The following PADI3 variants were observed in gnomAD, a reference collection of about 807,000 sequenced individuals.
The protein encoded by PADI3 is peptidyl arginine deiminase 3, also known as protein-arginine deiminase type-3.
Under a neutral mutation model 71.5 loss-of-function variants are expected in PADI3, and 53 were observed. That is an observed-to-expected ratio of 0.74 (90% confidence interval 0.59 to 0.93). The LOEUF (loss-of-function observed/expected upper bound fraction) is 0.93, where lower values mean the gene tolerates loss of function less well. Ranked by LOEUF, PADI3 falls within the 40% of genes least tolerant of loss-of-function variation. The pLI, the probability that PADI3 is intolerant of heterozygous loss-of-function variation, is 0.00. For missense variants in PADI3, 821 were observed against 868.0 expected (o/e 0.95, Z 0.68); for synonymous variants, 361 against 347.5 (o/e 1.04, Z -0.43).
intron 10 of PADI3, 61 bp from the exon 11 acceptor site, chr1:17,274,574 A>C: frequency 1.1e-5 from 17 of 1,498,700 alleles, no homozygotes; most frequent in Non-Finnish European, 1.5e-5. Context: ...AAAGCCCAGC[A>C]AGTTGGTTCA....
chr1:17,260,186 AG>A (rs890845009), intron 2 of PADI3, among the ~76,000 whole-genome samples: 2 of 152,150 alleles, frequency 1.3e-5, no homozygotes, highest in African/African-American at 4.8e-5. Context: ...GAGAGAAAGC[AG>A]GGACAGGGGA....
chr1:17,266,864 GGTGT>G, intron 5 of PADI3, 28 bp downstream of exon 5: 2 of 1,533,738 alleles, frequency 1.3e-6, no homozygotes, highest in Non-Finnish European at 1.8e-6. Context: ...TGAGTCCCTG[GGTGT>G]CCAGGGTCAC....
chr1:17,274,732 C>G lies in PADI3; in HGVS notation c.1253C>G (p.Ala418Gly). The change falls in exon 11 of 16, where the codon GCC becomes GGC. Residue 418 changes from alanine (A) to glycine (G), a missense_variant. Transcript: ENST00000375460. The part of the protein sequence containing the change: ...GNLEVSPPVV[A>G]NGKEYPLGRI... Reference sequence around the variant, plus strand: ...CTGGAGGTCAGCCCTCCAGTGGTGGCCAATGGGAAAGAGTACCCCCTGGGG... The same window carrying G: ...CTGGAGGTCAGCCCTCCAGTGGTGGGCAATGGGAAAGAGTACCCCCTGGGG... 1 of 1,613,742 alleles carries G rather than the reference C, an allele frequency of 6.2e-7. No homozygotes were observed. The highest frequency in any genetic ancestry group is 8.5e-7 in the Non-Finnish European group (1 of 1,179,870).
chr1:17,283,087 C>G lies in PADI3; in HGVS notation c.*8C>G. The stretch of plus-strand genomic sequence containing the variant: ...TGGAACATGGTGCCCTGAGACAGCT[C>G]CCACCCACCATCCTGTCCCCCTGGG... On this transcript the variant is annotated 3_prime_UTR_variant, in exon 16 of 16. Transcript: ENST00000375460. 1 of 1,607,260 alleles carries G rather than the reference C, an allele frequency of 6.2e-7. No individual in the cohort carries two copies.
At position 17,265,573 on chromosome 1, in the gene PADI3, C is replaced by T. The variant is rs2073156929; in HGVS notation, c.347-86C>T. 6 of 1,204,608 alleles carry T rather than the reference C, an allele frequency of 5.0e-6. No homozygotes were observed. The Middle Eastern group carries it at 5.9e-4, about 118-fold the overall frequency. 74.6% of individuals were successfully genotyped at this position (1,204,608 alleles called of 1,614,324 possible). On this transcript the variant is annotated intron_variant, in intron 3 of 15. Transcript: ENST00000375460. ...TCTCCTTAGAAATGACTTGCCTTTG[C>T]TCAGCCCCAGACAAGCCCTGAGATC...
Position 17,283,487 on chromosome 1 carries a change from A to G in PADI3, c.*408A>G, listed in dbSNP as rs2100610293. 5.7e-6 allele frequency: 1 copy of G among 176,686 alleles called. No homozygotes were observed. The highest frequency in any genetic ancestry group is 1.2e-4 in the South Asian group (1 of 8,246). 10.9% of individuals were successfully genotyped at this position (176,686 alleles called of 1,614,324 possible). A position where few individuals can be genotyped will look rare whatever the true frequency, so the allele number is the denominator to read the frequency against. The stretch of plus-strand genomic sequence containing the variant: ...AGGATCCATGATTCTGCTTTGGTCC[A>G]ATTGCTTCCTCTCTGCAGAGGAACA... On this transcript the variant is annotated 3_prime_UTR_variant, in exon 16 of 16. Transcript: ENST00000375460.
At chr1:17,265,021 A>AAT (rs1016714976) in intron 3 of PADI3, among the ~76,000 whole-genome samples, 8 of 151,820 alleles carry the variant, frequency 5.3e-5, no homozygotes, top group African/African-American at 1.9e-4. Context: ...AAAAAAAAAA[A>AAT]AAATCCTATC....
intron 13 of PADI3, among the ~76,000 whole-genome samples, chr1:17,279,175 A>G (rs914820078): frequency 1.4e-4 from 22 of 152,216 alleles, no homozygotes; most frequent in African/African-American, 4.6e-4. Context: ...GGCAGGCCAC[A>G]AGCAGCCACC....
intron 3 of PADI3, among the ~76,000 whole-genome samples, chr1:17,264,987 C>A (rs184311845): frequency 1.4e-5 from 2 of 146,800 alleles, no homozygotes; most frequent in African/African-American, 5.1e-5. Context: ...CCAGCCTGGG[C>A]GACAGAGACC....
intron 4 of PADI3, 60 bp from the exon 5 acceptor site, chr1:17,266,659 G>T (rs2073172256): frequency 1.4e-6 from 2 of 1,436,510 alleles, no homozygotes; most frequent in Non-Finnish European, 2.0e-6. Context: ...CGGGTTCCTG[G>T]GTAGGGAGGC....
In PADI3 at chr1:17,280,385, G is replaced by A. The variant is rs374756867; in HGVS notation, c.1591G>A (p.Val531Met). 4.8e-5 allele frequency: 78 copies of A among 1,613,984 alleles called. No individual in the cohort carries two copies. The highest frequency in any genetic ancestry group is 6.2e-5 in the Non-Finnish European group (73 of 1,179,968). Residue 531 changes from valine (V) to methionine (M), a missense_variant, in exon 14 of 16, where the codon GTG (valine) becomes ATG (methionine). Transcript: ENST00000375460. ...GGTCAAGACCATCTCCATCAACCAG[G>A]TGCTCTCCAATAAAGACCTCATCAA... ...EQVKTISINQ[V>M]LSNKDLINYN...
In PADI3 at chr1:17,276,862, T is replaced by C; in HGVS notation, c.1541T>C (p.Phe514Ser). The C allele has an allele frequency of 1.2e-6, 2 of 1,612,008 alleles. No individual in the cohort carries two copies. The highest frequency in any genetic ancestry group is 1.7e-6 in the Non-Finnish European group (2 of 1,179,200). Residue 514 changes from phenylalanine (F) to serine (S), a missense_variant, in exon 13 of 16, where the codon TTC becomes TCC. Phe to Ser is a radical substitution (Grantham distance 155). Coordinates refer to ENST00000375460, the MANE Select transcript of PADI3 (RefSeq NM_016233.2). ...TGTGGCCACGGGAGGGCCCTCCTGTTCCAGGGGGTTGTTGGTGGGTAACAG... is the reference window on the plus strand; with the variant it reads ...TGTGGCCACGGGAGGGCCCTCCTGTCCCAGGGGGTTGTTGGTGGGTAACAG... ...QKCGHGRALL[F>S]QGVVDDEQVK...
rs780894436 is a variant in PADI3, at chr1:17,276,508, G to T, written c.1308-11G>T. 6.2e-7 allele frequency: 1 copy of T among 1,611,602 alleles called. No homozygotes were observed. Among genetic ancestry groups the T allele is most frequent in the East Asian group, 2.2e-5 (1 of 44,832 alleles). Reference sequence around the variant, plus strand: ...GTTAAGCAACTTTTTTTTTAACCTCGTGGGTCCCAGGTCAAGTGGCCGCAG... The same window carrying T: ...GTTAAGCAACTTTTTTTTTAACCTCTTGGGTCCCAGGTCAAGTGGCCGCAG... On this transcript the variant is annotated splice_polypyrimidine_tract_variant and intron_variant, in intron 11 of 15. Coordinates refer to ENST00000375460, the MANE Select transcript of PADI3 (RefSeq NM_016233.2).
intron 9 of PADI3, among the ~76,000 whole-genome samples, chr1:17,272,015 G>A (rs150979401): frequency 1.1e-3 from 170 of 152,210 alleles, no homozygotes; most frequent in African/African-American, 3.0e-3. Flanking sequence ...GGCAGATGAG[G>A]GCACATGACT....
chr1:17,275,690 T>C (rs2073321138), intron 11 of PADI3, among the ~76,000 whole-genome samples: 1 of 152,200 alleles, frequency 6.6e-6, no homozygotes, highest in Non-Finnish European at 1.5e-5. Flanking sequence ...TCCTATCATA[T>C]TGGTTACTTG....
At chr1:17,265,067 A>G (rs1170111315) in intron 3 of PADI3, among the ~76,000 whole-genome samples, 1 of 151,212 alleles carries the variant, frequency 6.6e-6, no homozygotes, top group African/African-American at 2.4e-5. Context: ...CCTGCCCCTC[A>G]CTGCTTCTTC....
At chr1:17,271,030 T>A in intron 8 of PADI3, 37 bp from the exon 9 acceptor site, 1 of 1,613,362 alleles carries the variant, frequency 6.2e-7, no homozygotes, top group Non-Finnish European at 8.5e-7. Flanking sequence ...AGGCCCCGGC[T>A]CCATCCTGAG....
chr1:17,263,371 G>A (rs1240221009), intron 3 of PADI3, among the ~76,000 whole-genome samples: 1 of 151,662 alleles, frequency 6.6e-6, no homozygotes, highest in Non-Finnish European at 1.5e-5. Flanking sequence ...TAGTACTTGA[G>A]GCATTGTGAA....
chr1:17,274,539 T>A, intron 10 of PADI3, 96 bp from the exon 11 acceptor site: 1 of 1,152,596 alleles, frequency 8.7e-7, no homozygotes, highest in Middle Eastern at 2.0e-4. Flanking sequence ...TGGATGGCCT[T>A]TCCCACCCTG....
Sources: gnomAD v4.1 joint callset for allele counts (sites outside exome capture counted in the v4.1 genomes callset) on GRCh38, gnomAD v4.1.1 for gene constraint, MANE v1.5 for transcripts, NCBI Gene and HGNC (gene_info 2026-07-23, HGNC 2026-07-21) for gene names.